The following RNF216 variants were observed in gnomAD, a reference collection of about 807,000 sequenced individuals.
RNF216 encodes ring finger protein 216.
RNF216 carries 72 observed loss-of-function variants against 110.8 expected under a neutral mutation model. That is an observed-to-expected ratio of 0.65 (90% CI 0.54 to 0.79). The LOEUF is 0.79. RNF216 is among the 30% of genes least tolerant of loss of function. The probability of loss-of-function intolerance (pLI) is 0.00; values close to 1 mark genes in which losing one functional copy is unlikely to be tolerated. For synonymous variants in RNF216, 495 were observed against 407.5 expected, an observed-to-expected ratio of 1.21 and a Z score of -2.59; for missense variants, 1,342 against 1,141.2, an observed-to-expected ratio of 1.18 and a Z score of -2.54.
At chr7:5,761,739 T>G (rs1795945626) in intron 1 of RNF216, among the ~76,000 whole-genome samples, 1 of 150,624 alleles carries the variant, frequency 6.6e-6, no homozygotes, top group African/African-American at 2.5e-5. Context: ...TGAGCCAAGA[T>G]CGTGGCACTG....
chr7:5,712,724 T>A lies in RNF216; in HGVS notation c.1973A>T (p.Glu658Val). Reference sequence around the variant, plus strand: ...CTGCCTGAGAACGAACCTGACAAGCTCGTCGGCGTAGGCTGCCGCAACCTC... The same window carrying A: ...CTGCCTGAGAACGAACCTGACAAGCACGTCGGCGTAGGCTGCCGCAACCTC... ...EEEVAAAYAD[E>V]LVRCPSCSFP... The change falls in exon 12 of 17, where the codon GAG (glutamate) becomes GTG (valine). Residue 658 changes from glutamate (E) to valine (V), a missense_variant. By Grantham distance (121) the Glu-to-Val change is moderately radical. Coordinates refer to ENST00000389902, the MANE Select transcript of RNF216 (RefSeq NM_207111.4). The A allele has an allele frequency of 6.2e-7, 1 of 1,614,034 alleles. No homozygotes were observed. Among genetic ancestry groups the A allele is most frequent in the Non-Finnish European group, 8.5e-7 (1 of 1,179,972 alleles).
chr7:5,741,760 T>TG lies in RNF216; in HGVS notation c.256dup (p.Gln86ProfsTer12). The TG allele has an allele frequency of 1.2e-6, 2 of 1,614,204 alleles. No individual in the cohort carries two copies. Among genetic ancestry groups the TG allele is most frequent in the Non-Finnish European group, 1.7e-6 (2 of 1,180,034 alleles). ...TTCTTCTCCCAACCTTTTCAGATCTTGCCACTGGGCAGCTGGTTTGATGAG... is the reference window on the plus strand; with the variant it reads ...TTCTTCTCCCAACCTTTTCAGATCTTGGCCACTGGGCAGCTGGTTTGATGAG... On this transcript the variant is annotated frameshift_variant, in exon 4 of 17. Transcript: ENST00000389902. LOFTEE classifies it high-confidence loss of function.
At chr7:5,717,353 C>CA (rs1459825635) in intron 9 of RNF216, among the ~76,000 whole-genome samples, 3 of 152,140 alleles carry the variant, frequency 2.0e-5, no homozygotes, top group Admixed American at 2.0e-4. Flanking sequence ...AACTCCATCT[C>CA]AAAAAACAAA....
chr7:5,669,832 C>G (rs538985141), intron 13 of RNF216, among the ~76,000 whole-genome samples: 12 of 152,144 alleles, frequency 7.9e-5, no homozygotes, highest in Admixed American at 2.0e-4. Flanking sequence ...GTGGAGATAA[C>G]ATCGAGCTGA....
chr7:5,761,226 T>C, intron 1 of RNF216, 88 bp from the exon 2 acceptor site: 1 of 495,416 alleles, frequency 2.0e-6, no homozygotes, highest in Non-Finnish European at 3.5e-6. Context: ...CTGAAGCTTA[T>C]GCTGAAAACA....
At chr7:5,780,700 G>A (rs1288354122) in intron 1 of RNF216, among the ~76,000 whole-genome samples, 2 of 151,678 alleles carry the variant, frequency 1.3e-5, no homozygotes, top group African/African-American at 2.4e-5. Flanking sequence ...GCAAGACTCC[G>A]TCTCAAAGAA....
rs1796394582 is a variant in RNF216, at chr7:5,769,728, AG to A, written c.-69-8591del. ...GACAGTGAGAGCTGTCTCAAAAAAA[AG>A]AAAAAAAGAAAAAAGACTGAAAATC... On this transcript the variant is annotated intron_variant, in intron 1 of 16. Coordinates refer to ENST00000389902, the MANE Select transcript of RNF216 (RefSeq NM_207111.4). 1.3e-5 allele frequency among the ~76,000 whole-genome samples: 2 copies of A among 151,086 alleles called. 1 individual carries two copies. The highest frequency in any genetic ancestry group is 4.9e-5 in the African/African-American group (2 of 41,160).
intron 3 of RNF216, among the ~76,000 whole-genome samples, chr7:5,750,775 C>T (rs1280057796): frequency 2.6e-5 from 4 of 152,240 alleles, no homozygotes. Flanking sequence ...CTTACTTATG[C>T]CTCTCACGTG....
Position 5,688,946 on chromosome 7 carries a change from G to A in RNF216, c.2061+22815C>T, listed in dbSNP as rs78623933. The stretch of plus-strand genomic sequence containing the variant: ...CAAATGTTGACTGAATGAGAGAAGC[G>A]GGAAAAATATTCACAAAACTAGGTA... On this transcript the variant is annotated intron_variant, in intron 13 of 16. Transcript: ENST00000389902. 1.9e-3 allele frequency among the ~76,000 whole-genome samples: 294 copies of A among 152,226 alleles called. 4 individuals carry two copies. Among genetic ancestry groups the A allele is most frequent in the Middle Eastern group, 0.01 (3 of 294 alleles).
At chr7:5,683,761 A>G (rs1790799544) in intron 13 of RNF216, among the ~76,000 whole-genome samples, 1 of 152,248 alleles carries the variant, frequency 6.6e-6, no homozygotes, top group Admixed American at 6.5e-5. Context: ...AGCAGTAGAT[A>G]ATCAATGAGC....
chr7:5,694,369 T>C (rs1791504026), intron 13 of RNF216, among the ~76,000 whole-genome samples: 1 of 152,246 alleles, frequency 6.6e-6, no homozygotes, highest in African/African-American at 2.4e-5. Flanking sequence ...TAACTTTTGA[T>C]TCAGATCCAA....
At chr7:5,677,460 T>C (rs938626661) in intron 13 of RNF216, among the ~76,000 whole-genome samples, 2 of 152,176 alleles carry the variant, frequency 1.3e-5, no homozygotes, top group African/African-American at 4.8e-5. Context: ...AAAGGAAAAC[T>C]AGAAGAAAAA....
At chr7:5,673,785 G>A (rs910811940) in intron 13 of RNF216, among the ~76,000 whole-genome samples, 3 of 151,892 alleles carry the variant, frequency 2.0e-5, no homozygotes, top group Admixed American at 6.6e-5. Context: ...GCTGAGGCAG[G>A]AGGATCACCT....
In RNF216 at chr7:5,689,783, G is replaced by A. The variant is rs111743612; in HGVS notation, c.2061+21978C>T. On this transcript the variant is annotated intron_variant, in intron 13 of 16. Coordinates refer to ENST00000389902, the MANE Select transcript of RNF216 (RefSeq NM_207111.4). ...AGCCTGGCCTGCGTGGCAAAATTCC[G>A]TCTCTACTAAAAATGCAAAAAAATT... Among the ~76,000 whole-genome samples the A allele has an allele frequency of 2.9e-3, 444 of 152,016 alleles. 5 individuals carry two copies. The highest frequency in any genetic ancestry group is 0.01 in the Middle Eastern group (3 of 294).
At chr7:5,676,127 A>C (rs1353874892) in intron 13 of RNF216, among the ~76,000 whole-genome samples, 1 of 151,644 alleles carries the variant, frequency 6.6e-6, no homozygotes, top group Non-Finnish European at 1.5e-5. Context: ...TTCTCGTCTC[A>C]GCCTTCCAAG....
rs188278335 is a variant in RNF216, at chr7:5,654,026, C to T, written c.2062-1516G>A. Among the ~76,000 whole-genome samples the T allele has an allele frequency of 3.6e-3, 552 of 152,176 alleles. 2 individuals are homozygous for T. The highest frequency in any genetic ancestry group is 0.013 in the African/African-American group (530 of 41,506). The stretch of plus-strand genomic sequence containing the variant: ...GGAAGCCCCCAAAAGGTGCCAAGTA[C>T]GGAAGTAACACGATCAGGTATGTCT... On this transcript the variant is annotated intron_variant, in intron 13 of 16. Coordinates refer to ENST00000389902, the MANE Select transcript of RNF216 (RefSeq NM_207111.4).
Position 5,657,887 on chromosome 7 carries a change from T to C in RNF216, c.2062-5377A>G, listed in dbSNP as rs57807609. On this transcript the variant is annotated intron_variant, in intron 13 of 16. Coordinates refer to ENST00000389902, the MANE Select transcript of RNF216 (RefSeq NM_207111.4). ...TAGATTCAGTGAACTTTCTTTCCTT[T>C]TACTAAGGGAATCCAAGAACCTCTA... Among the ~76,000 whole-genome samples the C allele has an allele frequency of 7.7e-3, 1,166 of 152,286 alleles. 9 individuals carry two copies. The highest frequency in any genetic ancestry group is 0.025 in the African/African-American group (1,040 of 41,546).
At chr7:5,767,794 T>C (rs768619299) in intron 1 of RNF216, among the ~76,000 whole-genome samples, 1 of 152,064 alleles carries the variant, frequency 6.6e-6, no homozygotes, top group Admixed American at 6.6e-5. Context: ...AGAGGAGACT[T>C]TGTTATGTTG....
At chr7:5,648,635 G>T (rs1788193247) in intron 14 of RNF216, among the ~76,000 whole-genome samples, 1 of 151,752 alleles carries the variant, frequency 6.6e-6, no homozygotes, top group Non-Finnish European at 1.5e-5. Flanking sequence ...GGCTGAGGCA[G>T]GAGAACGGTG....
Sources: gnomAD v4.1 joint callset for allele counts (sites outside exome capture counted in the v4.1 genomes callset) on GRCh38, gnomAD v4.1.1 for gene constraint, MANE v1.5 for transcripts, NCBI Gene and HGNC (gene_info 2026-07-23, HGNC 2026-07-21) for gene names.